The following RABGAP1L variants were observed in gnomAD, a reference collection of about 807,000 sequenced individuals.
RABGAP1L encodes the protein RAB GTPase activating protein 1 like, also known as rab GTPase-activating protein 1-like.
RABGAP1L carries 63 observed loss-of-function variants against 137.7 expected under a neutral mutation model. The ratio of observed to expected loss-of-function variants is 0.46; its 90% CI spans 0.37 to 0.56. The LOEUF is 0.56. Among genes scored for constraint, RABGAP1L ranks in the 20% least tolerant of loss-of-function variants. RABGAP1L has a pLI of 0.00. For missense variants in RABGAP1L, 1,095 were observed against 1,244.0 expected (o/e 0.88, Z 1.80); for synonymous variants, 431 against 433.7 (o/e 0.99, Z 0.08).
intron 13 of RABGAP1L, among the ~76,000 whole-genome samples, chr1:174,602,173 A>G (rs1670465326): frequency 6.6e-6 from 1 of 152,104 alleles, no homozygotes; most frequent in Non-Finnish European, 1.5e-5. Context: ...AATTTACTCT[A>G]TTAGTCTGTT....
At chr1:174,508,727 A>G (rs1396825489) in intron 13 of RABGAP1L, among the ~76,000 whole-genome samples, 5 of 152,156 alleles carry the variant, frequency 3.3e-5, no homozygotes, top group African/African-American at 4.8e-5. Flanking sequence ...CATGGAAATG[A>G]TTGTCCTTTC....
At chr1:174,405,417 T>C (rs1452770227) in intron 13 of RABGAP1L, among the ~76,000 whole-genome samples, 1 of 152,214 alleles carries the variant, frequency 6.6e-6, no homozygotes, top group African/African-American at 2.4e-5. Context: ...CATCACCTTG[T>C]CTAGGTGTAG....
intron 17 of RABGAP1L, among the ~76,000 whole-genome samples, chr1:174,731,545 C>CA (rs1456519651): frequency 6.6e-6 from 1 of 152,026 alleles, no homozygotes; most frequent in Non-Finnish European, 1.5e-5. Context: ...AATCTGAATG[C>CA]AAAATCAACC....
intron 1 of RABGAP1L, among the ~76,000 whole-genome samples, chr1:174,188,439 A>G (rs1216615492): frequency 6.6e-6 from 1 of 152,210 alleles, no homozygotes; most frequent in Non-Finnish European, 1.5e-5. Flanking sequence ...TAGAGGAAAT[A>G]ATTGTAATTG....
chr1:174,486,239 T>TTTTTTC (rs1558274564), intron 13 of RABGAP1L, among the ~76,000 whole-genome samples: 2 of 134,652 alleles, frequency 1.5e-5, no homozygotes, highest in African/African-American at 2.8e-5. Flanking sequence ...TTTTTTTTTT[T>TTTTTTC]GTCTGGCTAA....
chr1:174,814,277 AT>A (rs1436535504), intron 19 of RABGAP1L, among the ~76,000 whole-genome samples: 4 of 152,170 alleles, frequency 2.6e-5, no homozygotes, highest in Admixed American at 2.0e-4. Flanking sequence ...TTTTAATAAG[AT>A]TTCAATAATT....
intron 13 of RABGAP1L, among the ~76,000 whole-genome samples, chr1:174,525,320 TCA>T (rs1189299727): frequency 2.0e-5 from 3 of 152,100 alleles, no homozygotes; most frequent in Admixed American, 6.6e-5. Context: ...ATATTTTCCA[TCA>T]GTGTTTTATA....
chr1:174,527,207 T>G (rs964397001), intron 13 of RABGAP1L, among the ~76,000 whole-genome samples: 1 of 148,806 alleles, frequency 6.7e-6, no homozygotes, highest in Admixed American at 6.7e-5. Flanking sequence ...TTATTTTGTT[T>G]TTTTTTTTTT....
chr1:174,675,242 A>G (rs1202542824), intron 14 of RABGAP1L, among the ~76,000 whole-genome samples: 5 of 151,850 alleles, frequency 3.3e-5, no homozygotes, highest in Non-Finnish European at 7.4e-5. Context: ...TAAGTCTTTA[A>G]TCCATCTTGA....
intron 10 of RABGAP1L, among the ~76,000 whole-genome samples, chr1:174,291,237 T>C (rs905127343): frequency 4.6e-5 from 7 of 151,178 alleles, no homozygotes; most frequent in Non-Finnish European, 8.8e-5. Context: ...TTTTCCCCCT[T>C]TTTTTCTTAT....
chr1:174,674,083 T>C (rs576050909), intron 14 of RABGAP1L, among the ~76,000 whole-genome samples: 214 of 151,846 alleles, frequency 1.4e-3, no homozygotes, highest in African/African-American at 4.9e-3. Flanking sequence ...CTTTTTTTTT[T>C]CTTTTTTTAA....
chr1:174,364,680 T>G (rs6693423), intron 11 of RABGAP1L, among the ~76,000 whole-genome samples: 87,354 of 152,038 alleles, frequency 0.57, 27,479 homozygotes, highest in African/African-American at 0.85. Flanking sequence ...TTGAATTTCT[T>G]CAGTATCCAT....
intron 11 of RABGAP1L, among the ~76,000 whole-genome samples, chr1:174,315,152 A>C (rs1361790194): frequency 6.6e-6 from 1 of 152,040 alleles, no homozygotes; most frequent in African/African-American, 2.4e-5. Context: ...TTTGCTTTGT[A>C]TATCTTGATG....
At chr1:174,646,345 G>T (rs904534731) in intron 14 of RABGAP1L, among the ~76,000 whole-genome samples, 2 of 152,044 alleles carry the variant, frequency 1.3e-5, no homozygotes, top group African/African-American at 4.8e-5. Context: ...ATGGTTTTAG[G>T]TCTTATGTTT....
intron 1 of RABGAP1L, among the ~76,000 whole-genome samples, chr1:174,177,014 T>G (rs1665945407): frequency 6.6e-6 from 1 of 152,150 alleles, no homozygotes; most frequent in Non-Finnish European, 1.5e-5. Flanking sequence ...AGGTCAAGGT[T>G]GCAGTGAACT....
intron 1 of RABGAP1L, among the ~76,000 whole-genome samples, chr1:174,211,626 T>C (rs1668890587): frequency 6.6e-6 from 1 of 152,104 alleles, no homozygotes; most frequent in Non-Finnish European, 1.5e-5. Context: ...TCCTTACTTA[T>C]CAGCAATAAC....
At chr1:174,217,394 C>T (rs959648536) in intron 1 of RABGAP1L, among the ~76,000 whole-genome samples, 2 of 152,108 alleles carry the variant, frequency 1.3e-5, no homozygotes, top group East Asian at 1.9e-4. Flanking sequence ...ATGGTATTTT[C>T]GTCCATGACA....
chr1:174,233,836 G>T (rs1210251427), intron 4 of RABGAP1L, among the ~76,000 whole-genome samples: 1 of 107,122 alleles, frequency 9.3e-6, no homozygotes, highest in East Asian at 2.5e-4. Flanking sequence ...CTGAGGAATC[G>T]CCACACTGAC....
intron 19 of RABGAP1L, among the ~76,000 whole-genome samples, chr1:174,911,136 A>AT (rs1277936408): frequency 9.9e-5 from 15 of 151,982 alleles, no homozygotes; most frequent in Non-Finnish European, 1.2e-4. Context: ...CTATTTTTAA[A>AT]TTTTTTTATT....
Sources: gnomAD v4.1 joint callset for allele counts (sites outside exome capture counted in the v4.1 genomes callset) on GRCh38, gnomAD v4.1.1 for gene constraint, MANE v1.5 for transcripts, NCBI Gene and HGNC (gene_info 2026-07-23, HGNC 2026-07-21) for gene names.